Variants in UNC5A observed in about 807,000 individuals in gnomAD.
The protein encoded by UNC5A is netrin receptor UNC5A.
UNC5A carries 20 observed loss-of-function variants against 87.4 expected under a neutral mutation model. The ratio of observed to expected loss-of-function variants is 0.23; its 90% CI spans 0.16 to 0.33. UNC5A has a LOEUF of 0.33. Ranked by LOEUF, UNC5A falls within the 10% of genes least tolerant of loss-of-function variation. The probability of loss-of-function intolerance (pLI) is 1.00; values close to 1 mark genes in which losing one functional copy is unlikely to be tolerated. For synonymous variants in UNC5A, 438 were observed against 482.3 expected (o/e 0.91, Z 1.20); for missense variants, 844 against 1,133.4 (o/e 0.74, Z 3.67).
chr5:176,852,516 T>A (rs537688611), intron 1 of UNC5A, among the ~76,000 whole-genome samples: 2 of 152,240 alleles, frequency 1.3e-5, no homozygotes, highest in South Asian at 4.1e-4. Flanking sequence ...TAATTGCAGC[T>A]TATTAAGTTC....
chr5:176,853,574 C>T (rs1757597109), intron 1 of UNC5A, among the ~76,000 whole-genome samples: 1 of 152,266 alleles, frequency 6.6e-6, no homozygotes, highest in Non-Finnish European at 1.5e-5. Context: ...CACCTTCATG[C>T]ACACGTTACT....
chr5:176,869,395 C>T lies in UNC5A; in HGVS notation c.721+431C>T, dbSNP rs972146090. On this transcript the variant is annotated intron_variant, in intron 5 of 14. Transcript: ENST00000329542. This position sits in a 1 kb window ranked among gnomAD's most constrained non-coding sequence, Gnocchi z 9.1. ...GAGCCGCGGTTCAGCCTGGCTACCCCGAGTGCCCCCTGGGAGAAGGGAAGA... is the reference window on the plus strand; with the variant it reads ...GAGCCGCGGTTCAGCCTGGCTACCCTGAGTGCCCCCTGGGAGAAGGGAAGA... 2.6e-5 allele frequency among the ~76,000 whole-genome samples: 4 copies of T among 152,076 alleles called. No homozygotes were observed. Among genetic ancestry groups the T allele is most frequent in the African/African-American group, 7.2e-5 (3 of 41,406 alleles).
chr5:176,864,125 A>G (rs139421599), intron 2 of UNC5A, among the ~76,000 whole-genome samples: 26 of 151,996 alleles, frequency 1.7e-4, no homozygotes, highest in Non-Finnish European at 3.2e-4. Context: ...TGCCAAGGGC[A>G]GGCCGGGGAC....
intron 3 of UNC5A, 71 bp downstream of exon 3, chr5:176,868,344 C>G: frequency 6.3e-7 from 1 of 1,595,040 alleles, no homozygotes; most frequent in Non-Finnish European, 8.5e-7. Context: ...GGACAGTAGG[C>G]TTCCTGGAAG....
chr5:176,878,172 G>T (rs1299091423), intron 11 of UNC5A, 45 bp downstream of exon 11: 1 of 1,604,090 alleles, frequency 6.2e-7, no homozygotes, highest in Admixed American at 1.7e-5. Flanking sequence ...GCCGAGCTAT[G>T]CCTGGCCCTG....
At position 176,869,599 on chromosome 5, in the gene UNC5A, T is replaced by G. The variant is rs1412783640; in HGVS notation, c.721+635T>G. The stretch of plus-strand genomic sequence containing the variant: ...GCCCCCGCTCCCTGACCCCAGTCCT[T>G]CTCTGTCCGGCCAGTGAACGGTGGG... On this transcript the variant is annotated intron_variant, in intron 5 of 14. Coordinates refer to ENST00000329542, the MANE Select transcript of UNC5A (RefSeq NM_133369.3). The surrounding 1 kb of genome is among the most constrained non-coding windows in gnomAD (Gnocchi z 9.1). The G allele has an allele frequency of 1.4e-6, 1 of 697,554 alleles. No individual in the cohort carries two copies. The highest frequency in any genetic ancestry group is 1.5e-5 in the South Asian group (1 of 67,288). The allele number at this position is 697,554 out of a possible 1,614,324, so 43.2% of individuals were successfully genotyped here.
chr5:176,845,947 G>A (rs1467691670), intron 1 of UNC5A, among the ~76,000 whole-genome samples: 4 of 152,236 alleles, frequency 2.6e-5, no homozygotes, highest in Non-Finnish European at 5.9e-5. Flanking sequence ...AAAGGGCTGG[G>A]TGCTGCATGG....
Position 176,848,763 on chromosome 5 carries a change from G to A in UNC5A, c.71-13861G>A, listed in dbSNP as rs966441623. 1.3e-5 allele frequency among the ~76,000 whole-genome samples: 2 copies of A among 152,210 alleles called. No homozygotes were observed. Among genetic ancestry groups the A allele is most frequent in the Admixed American group, 1.3e-4 (2 of 15,288 alleles). On this transcript the variant is annotated intron_variant, in intron 1 of 14. Coordinates refer to ENST00000329542, the MANE Select transcript of UNC5A (RefSeq NM_133369.3). This position sits in a 1 kb window ranked among gnomAD's most constrained non-coding sequence, Gnocchi z 5.8. ...TCAGCTGCCTCACCCAGGGGCAGGAGCTGAGGCTCAGACCACGGGCACACA... is the reference window on the plus strand; with the variant it reads ...TCAGCTGCCTCACCCAGGGGCAGGAACTGAGGCTCAGACCACGGGCACACA...
chr5:176,862,223 C>T (rs895384414), intron 1 of UNC5A, among the ~76,000 whole-genome samples: 1 of 152,204 alleles, frequency 6.6e-6, no homozygotes, highest in African/African-American at 2.4e-5. Flanking sequence ...CTGCTCCCTC[C>T]CTCGCCCCAG....
rs1168665517 is a variant in UNC5A, at chr5:176,844,963, A to C, written c.71-17661A>C. ...CTTGCCGGAAAAGCCCCACCTTATC[A>C]GAGGGCGGTGGTCTTGCCCTCCCCT... On this transcript the variant is annotated intron_variant, in intron 1 of 14. Coordinates refer to ENST00000329542, the MANE Select transcript of UNC5A (RefSeq NM_133369.3). This position sits in a 1 kb window ranked among gnomAD's most constrained non-coding sequence, Gnocchi z 4.2. Among the ~76,000 whole-genome samples the C allele has an allele frequency of 1.3e-5, 2 of 152,190 alleles. No individual in the cohort carries two copies. Among genetic ancestry groups the C allele is most frequent in the African/African-American group, 2.4e-5 (1 of 41,448 alleles).
intron 1 of UNC5A, among the ~76,000 whole-genome samples, chr5:176,840,498 G>A (rs944496022): frequency 2.0e-5 from 3 of 152,200 alleles, no homozygotes; most frequent in African/African-American, 7.2e-5. Flanking sequence ...CTCTGCAAGG[G>A]GGTGACCACA....
rs1561663191 is a variant in UNC5A, at chr5:176,865,393, G to A, written c.292+2548G>A. On this transcript the variant is annotated intron_variant, in intron 2 of 14. Coordinates refer to ENST00000329542, the MANE Select transcript of UNC5A (RefSeq NM_133369.3). The surrounding 1 kb of genome is among the most constrained non-coding windows in gnomAD (Gnocchi z 5.3). ...GCCTGAATGAGCAGTCGCAGGCCCG[G>A]GCCGGCACACACACCGGGAGCCCCT... The A allele has an allele frequency of 8.5e-6, 3 of 353,434 alleles. No individual in the cohort carries two copies. In the Admixed American group the frequency reaches 1.1e-4, roughly 13 times the overall value. The allele number at this position is 353,434 out of a possible 1,614,324, so 21.9% of individuals were successfully genotyped here.
At chr5:176,827,138 A>T (rs1019976309) in intron 1 of UNC5A, among the ~76,000 whole-genome samples, 1 of 147,930 alleles carries the variant, frequency 6.8e-6, no homozygotes. Flanking sequence ...CTCCAGGTTC[A>T]TCCGTGTTGT....
chr5:176,868,984 G>A lies in UNC5A; in HGVS notation c.721+20G>A. ...TCTACGGTGGGCCCCGGGACTCCCT[G>A]GTCACAGGGAGAGGCACTGCGGTGC... On this transcript the variant is annotated intron_variant, in intron 5 of 14. Transcript: ENST00000329542. 1 of 1,581,130 alleles carries A rather than the reference G, an allele frequency of 6.3e-7. No homozygotes were observed. The highest frequency in any genetic ancestry group is 8.6e-7 in the Non-Finnish European group (1 of 1,161,860).
At chr5:176,857,774 G>A (rs970215415) in intron 1 of UNC5A, among the ~76,000 whole-genome samples, 1 of 152,234 alleles carries the variant, frequency 6.6e-6, no homozygotes, top group Non-Finnish European at 1.5e-5. Flanking sequence ...ACCAAGTCCT[G>A]TAGTTCCTGG....
Position 176,844,337 on chromosome 5 carries a change from G to T in UNC5A, c.71-18287G>T, listed in dbSNP as rs1757349816. Among the ~76,000 whole-genome samples, 1 of 152,168 alleles carries T rather than the reference G, an allele frequency of 6.6e-6. No homozygotes were observed. Among genetic ancestry groups the T allele is most frequent in the South Asian group, 2.1e-4 (1 of 4,824 alleles). On this transcript the variant is annotated intron_variant, in intron 1 of 14. Coordinates refer to ENST00000329542, the MANE Select transcript of UNC5A (RefSeq NM_133369.3). The surrounding 1 kb of genome is among the most constrained non-coding windows in gnomAD (Gnocchi z 4.2). ...GAAGCCCCACCGCTGGAGTCCCAGG[G>T]TGGAGGTGGGCCCAGATCTGTGCAG... is the stretch of plus-strand genomic sequence containing the variant.
Position 176,869,706 on chromosome 5 carries a change from C to G in UNC5A, c.722-664C>G. On this transcript the variant is annotated intron_variant, in intron 5 of 14. Coordinates refer to ENST00000329542, the MANE Select transcript of UNC5A (RefSeq NM_133369.3). This position sits in a 1 kb window ranked among gnomAD's most constrained non-coding sequence, Gnocchi z 9.1. Reference sequence around the variant, plus strand: ...GAAACGGAGCCGGAGCTGCACCAACCCGGCGCCTCTCAACGGGGGCGCTTT... The same window carrying G: ...GAAACGGAGCCGGAGCTGCACCAACGCGGCGCCTCTCAACGGGGGCGCTTT... 1 of 678,140 alleles carries G rather than the reference C, an allele frequency of 1.5e-6. No homozygotes were observed. Among genetic ancestry groups the G allele is most frequent in the Non-Finnish European group, 2.7e-6 (1 of 369,164 alleles). 42.0% of individuals were successfully genotyped at this position (678,140 alleles called of 1,614,324 possible). A position where few individuals can be genotyped will look rare whatever the true frequency, so the allele number is the denominator to read the frequency against.
intron 1 of UNC5A, among the ~76,000 whole-genome samples, chr5:176,812,329 T>C (rs1756480167): frequency 6.6e-6 from 1 of 152,082 alleles, no homozygotes; most frequent in Non-Finnish European, 1.5e-5. Flanking sequence ...ACCCTGGAAA[T>C]GTTTTCTGAG....
At chr5:176,834,117 G>A (rs1035990621) in intron 1 of UNC5A, among the ~76,000 whole-genome samples, 1 of 152,196 alleles carries the variant, frequency 6.6e-6, no homozygotes, top group Non-Finnish European at 1.5e-5. Flanking sequence ...GGAGCACCGC[G>A]GAGCTGTGTG....
Sources: allele counts gnomAD v4.1 joint callset (sites outside exome capture counted in the v4.1 genomes callset), GRCh38; gene constraint gnomAD v4.1.1; non-coding constraint Gnocchi (gnomAD v3.1); transcripts MANE v1.5; gene names NCBI Gene and HGNC (gene_info 2026-07-23, HGNC 2026-07-21).